COL16A1: variants seen among roughly 807,000 people sequenced by gnomAD.
COL16A1 encodes collagen type XVI alpha 1 chain.
A neutral mutation model predicts 266.3 loss-of-function variants in COL16A1; 189 were observed. The ratio of observed to expected loss-of-function variants is 0.71; its 90% CI spans 0.63 to 0.80. The LOEUF (loss-of-function observed/expected upper bound fraction) is 0.80, where lower values mean the gene tolerates loss of function less well. Among genes scored for constraint, COL16A1 ranks in the 30% least tolerant of loss-of-function variants. COL16A1 has a pLI of 0.00. For missense variants in COL16A1, 1,928 were observed against 2,122.4 expected (o/e 0.91, Z 1.80); for synonymous variants, 740 against 782.3 (o/e 0.95, Z 0.90).
chr1:31,675,966 G>A (rs1357307752), intron 42 of COL16A1, among the ~76,000 whole-genome samples: 2 of 152,114 alleles, frequency 1.3e-5, no homozygotes, highest in African/African-American at 4.8e-5. Context: ...CTATTTTCTC[G>A]TTTAATCATC....
At position 31,668,743 on chromosome 1, in the gene COL16A1, G is replaced by A. The variant is rs552693867; in HGVS notation, c.3249+59C>T. The A allele has an allele frequency of 6.3e-7, 1 of 1,588,170 alleles. No homozygotes were observed. The highest frequency in any genetic ancestry group is 8.6e-7 in the Non-Finnish European group (1 of 1,156,978). On this transcript the variant is annotated intron_variant, in intron 50 of 70. Transcript: ENST00000373672. This position sits in a 1 kb window ranked among gnomAD's most constrained non-coding sequence, Gnocchi z 5.8. ...AGCCACCCTTCAGAGCTCAAGCTCT[G>A]CCTCCCCAGCTCTTCCTCCCTTTCC...
Position 31,685,541 on chromosome 1 carries a change from C to T in COL16A1, c.2016+98G>A. 2 of 1,221,788 alleles carry T rather than the reference C, an allele frequency of 1.6e-6. No homozygotes were observed. Among genetic ancestry groups the T allele is most frequent in the South Asian group, 1.4e-5 (1 of 71,346 alleles). The allele number at this position is 1,221,788 out of a possible 1,614,324, so 75.7% of individuals were successfully genotyped here. On this transcript the variant is annotated intron_variant, in intron 29 of 70. Coordinates refer to ENST00000373672, the MANE Select transcript of COL16A1 (RefSeq NM_001856.4). The surrounding 1 kb of genome is among the most constrained non-coding windows in gnomAD (Gnocchi z 4.0). ...GCCACACCCTCCCCACTACCCCCAA[C>T]TGCCCAGGGAGTCAAGAGACCCAGG...
intron 44 of COL16A1, among the ~76,000 whole-genome samples, chr1:31,674,360 G>A (rs145591488): frequency 2.8e-4 from 43 of 152,330 alleles, no homozygotes; most frequent in African/African-American, 9.4e-4. Flanking sequence ...CTGTGCTCTC[G>A]TTTCTAGAGG....
chr1:31,658,649 A>G, intron 63 of COL16A1, 72 bp from the exon 64 acceptor site: 4 of 1,363,814 alleles, frequency 2.9e-6, no homozygotes, highest in Non-Finnish European at 4.1e-6. Context: ...AGCCAGAGAC[A>G]GACACCCCAT....
rs1478604848 is a variant in COL16A1, at chr1:31,689,424, C to G, written c.1620+317G>C. On this transcript the variant is annotated intron_variant, in intron 23 of 70. Transcript: ENST00000373672. ...CCTGCTCACTCCTTTCCTCCACCCC[C>G]AAAACATACCCAATCCTAGGACACA... The G allele has an allele frequency of 5.3e-6, 3 of 562,306 alleles. 1 individual carries two copies. The highest frequency in any genetic ancestry group is 3.8e-5 in the African/African-American group (2 of 53,230). The allele number at this position is 562,306 out of a possible 1,614,324, so 34.8% of individuals were successfully genotyped here.
At position 31,661,695 on chromosome 1, in the gene COL16A1, C is replaced by G; in HGVS notation, c.3691G>C (p.Gly1231Arg). Reference sequence around the variant, plus strand: ...ATGAGTCCAGGGGGGCCAGCAGGACCAGGGTCCCCCTAGGGAAAGAGACGA... The same window carrying G: ...ATGAGTCCAGGGGGGCCAGCAGGACGAGGGTCCCCCTAGGGAAAGAGACGA... ...DGKPGLRGDP[G>R]PAGPPGLMGP... Residue 1231 changes from glycine (G) to arginine (R), a missense_variant, in exon 59 of 71, where the codon GGT becomes CGT. Transcript: ENST00000373672. 6.3e-7 allele frequency: 1 copy of G among 1,599,918 alleles called. No individual in the cohort carries two copies. The highest frequency in any genetic ancestry group is 8.5e-7 in the Non-Finnish European group (1 of 1,176,312).
intron 24 of COL16A1, 26 bp downstream of exon 24, chr1:31,689,024 C>T (rs1644128683): frequency 6.2e-7 from 1 of 1,613,856 alleles, no homozygotes; most frequent in African/African-American, 1.3e-5. Flanking sequence ...CAGAGGAGGG[C>T]AGCCAGGAGA....
intron 41 of COL16A1, 31 bp downstream of exon 41, chr1:31,679,773 G>T: frequency 1.9e-6 from 3 of 1,586,030 alleles, no homozygotes; most frequent in Non-Finnish European, 1.7e-6. Flanking sequence ...GCCGCGGGGC[G>T]CTGGCGGACA....
rs375035992 is a variant in COL16A1, at chr1:31,697,086, G to A, written c.741C>T (p.Cys247=). 18 of 1,613,992 alleles carry A rather than the reference G, an allele frequency of 1.1e-5. No individual in the cohort carries two copies. Among genetic ancestry groups the A allele is most frequent in the East Asian group, 2.2e-5 (1 of 44,894 alleles). Residue 247 remains cysteine, a splice_region_variant and synonymous_variant, in exon 8 of 71, where the codon TGC becomes TGT. Transcript: ENST00000373672. The surrounding 1 kb of genome is among the most constrained non-coding windows in gnomAD (Gnocchi z 4.2). Reference sequence around the variant, plus strand: ...GGCGGGCCTTGGAGGTCTCTGGGGGGCACTGTTTGGTGGAAGAGCGGGGCT... The same window carrying A: ...GGCGGGCCTTGGAGGTCTCTGGGGGACACTGTTTGGTGGAAGAGCGGGGCT... The part of the protein sequence containing the change: ...EGCCEILPAG[C]PPETSKARRD...
rs1643916888 is a variant in COL16A1, at chr1:31,685,379, G to A, written c.2016+260C>T. ...GCTCAAGTCAAAGACTTAGTAAGAA[G>A]CAAAGCTAAGATTGGAACCCAGGTC... On this transcript the variant is annotated intron_variant, in intron 29 of 70. Coordinates refer to ENST00000373672, the MANE Select transcript of COL16A1 (RefSeq NM_001856.4). The surrounding 1 kb of genome is among the most constrained non-coding windows in gnomAD (Gnocchi z 4.0). Among the ~76,000 whole-genome samples the A allele has an allele frequency of 1.3e-5, 2 of 152,224 alleles. No homozygotes were observed. Among genetic ancestry groups the A allele is most frequent in the African/African-American group, 4.8e-5 (2 of 41,442 alleles).
At chr1:31,703,455 T>C (rs559387802) in intron 1 of COL16A1, among the ~76,000 whole-genome samples, 157 of 152,130 alleles carry the variant, frequency 1.0e-3, no homozygotes, top group Middle Eastern at 3.4e-3. Flanking sequence ...TCAAACCCTA[T>C]CCTGGTCTTC....
At chr1:31,667,235 C>T (rs549850950) in intron 52 of COL16A1, among the ~76,000 whole-genome samples, 1 of 152,368 alleles carries the variant, frequency 6.6e-6, no homozygotes, top group South Asian at 2.1e-4. Context: ...TGGTCACAGC[C>T]CAACTCCTGT....
chr1:31,655,521 A>G lies in COL16A1; in HGVS notation c.4102-19T>C, dbSNP rs754350488. On this transcript the variant is annotated intron_variant, in intron 66 of 70. Coordinates refer to ENST00000373672, the MANE Select transcript of COL16A1 (RefSeq NM_001856.4). Reference sequence around the variant, plus strand: ...GATCACCCTACAAAGATAGATACTTAGTGCTGTCAAATTTACATCATGATG... The same window carrying G: ...GATCACCCTACAAAGATAGATACTTGGTGCTGTCAAATTTACATCATGATG... The G allele has an allele frequency of 1.9e-6, 3 of 1,611,752 alleles. No homozygotes were observed. Among genetic ancestry groups the G allele is most frequent in the East Asian group, 4.5e-5 (2 of 44,828 alleles).
intron 29 of COL16A1, 34 bp from the exon 30 acceptor site, chr1:31,684,890 C>T (rs1282005808): frequency 1.2e-6 from 2 of 1,612,480 alleles, no homozygotes; most frequent in Admixed American, 1.7e-5. Context: ...CCCGCTCACT[C>T]ATACCAGCCA....
Position 31,690,539 on chromosome 1 carries a change from C to T in COL16A1, c.1472G>A (p.Gly491Asp). The T allele has an allele frequency of 6.2e-7, 1 of 1,613,946 alleles. No individual in the cohort carries two copies. The highest frequency in any genetic ancestry group is 8.5e-7 in the Non-Finnish European group (1 of 1,179,882). Residue 491 changes from glycine to aspartate, a missense_variant, in exon 21 of 71, where the codon GGT (glycine) becomes GAT (aspartate). Gly to Asp is a moderately conservative substitution (Grantham distance 94). Around this residue, in one of 2 missense-constraint regions of COL16A1, gnomAD observed 1,552 missense variants for 1,637.2 expected, o/e 0.95. Transcript: ENST00000373672. ...ATTGGTGTCACTCACAGGTTTCCCA[C>T]CAGGGCCTTCCTTTCCTGGGATCCC... ...SSGIPGKEGP[G>D]GKPGKPGVKG...
chr1:31,655,346 TCCCCGAAGGCCCCGGAGCTCCAGG>T lies in COL16A1; in HGVS notation c.4234_4257del (p.Pro1412_Gly1419del). 6.2e-7 allele frequency: 1 copy of T among 1,613,688 alleles called. No individual in the cohort carries two copies. Among genetic ancestry groups the T allele is most frequent in the Non-Finnish European group, 8.5e-7 (1 of 1,179,878 alleles). On this transcript the variant is annotated inframe_deletion, in exon 67 of 71. Transcript: ENST00000373672. ...CCAGGCACACCAGGCAAGCCAGGGC[TCCCCGAAGGCCCCGGAGCTCCAGG>T]GTGGCCTCTCTCTCCTGCAGGGCCC...
rs1163564095 is a variant in COL16A1, at chr1:31,656,591, C to T, written c.4057-147G>A. On this transcript the variant is annotated intron_variant, in intron 65 of 70. Coordinates refer to ENST00000373672, the MANE Select transcript of COL16A1 (RefSeq NM_001856.4). This position sits in a 1 kb window ranked among gnomAD's most constrained non-coding sequence, Gnocchi z 4.2. ...TCTGTGTGAGAAAGGAGCGCAGCCT[C>T]CCTGCCCAGCTGGAAGGGAAAATAA... is the stretch of plus-strand genomic sequence containing the variant. 7.0e-6 allele frequency: 9 copies of T among 1,294,456 alleles called. No individual in the cohort carries two copies. Among genetic ancestry groups the T allele is most frequent in the African/African-American group, 1.5e-5 (1 of 66,372 alleles). 80.2% of individuals were successfully genotyped at this position (1,294,456 alleles called of 1,614,324 possible).
chr1:31,685,585 C>T lies in COL16A1; in HGVS notation c.2016+54G>A, dbSNP rs1177497017. The T allele has an allele frequency of 1.1e-5, 17 of 1,589,508 alleles. No homozygotes were observed. In the East Asian group the frequency reaches 3.8e-4, roughly 36 times the overall value. Reference sequence around the variant, plus strand: ...ACCCAGGCAGGACCCCTCCCCTCTCCTTAGCCCCGCCTGCATCCCCCGTCC... The same window carrying T: ...ACCCAGGCAGGACCCCTCCCCTCTCTTTAGCCCCGCCTGCATCCCCCGTCC... On this transcript the variant is annotated intron_variant, in intron 29 of 70. Coordinates refer to ENST00000373672, the MANE Select transcript of COL16A1 (RefSeq NM_001856.4). The surrounding 1 kb of genome is among the most constrained non-coding windows in gnomAD (Gnocchi z 4.0).
chr1:31,662,358 C>A lies in COL16A1; in HGVS notation c.3657G>T (p.Gly1219=). The A allele has an allele frequency of 6.7e-7, 1 of 1,495,950 alleles. No individual in the cohort carries two copies. The highest frequency in any genetic ancestry group is 1.1e-5 in the South Asian group (1 of 88,736). 92.7% of individuals were successfully genotyped at this position (1,495,950 alleles called of 1,614,324 possible). Residue 1219 remains glycine, a synonymous_variant, in exon 58 of 71, where the codon GGG becomes GGT. Coordinates refer to ENST00000373672, the MANE Select transcript of COL16A1 (RefSeq NM_001856.4). ...CCCTCAAGCCAGGCTTGCCGTCCTT[C>A]CCATCCAAACCATCCAGACCGGCGG... The part of the protein sequence containing the change: ...QGPAGLDGLD[G]KDGKPGLRGD...
Sources: gnomAD v4.1 joint callset for allele counts (sites outside exome capture counted in the v4.1 genomes callset) on GRCh38, gnomAD v4.1.1 for gene constraint, gnomAD v4.1.1 regional missense constraint, Gnocchi (gnomAD v3.1) non-coding constraint, MANE v1.5 for transcripts, NCBI Gene and HGNC (gene_info 2026-07-23, HGNC 2026-07-21) for gene names.